Variants in DLGAP5 observed in about 807,000 individuals in gnomAD.
The protein encoded by DLGAP5 is DLG associated protein 5.
DLGAP5 carries 90 observed loss-of-function variants against 99.6 expected under a neutral mutation model. The ratio of observed to expected loss-of-function variants is 0.90; its 90% confidence interval spans 0.76 to 1.08. The LOEUF is 1.08. Among genes scored for constraint, DLGAP5 ranks in the 50% least tolerant of loss-of-function variants. DLGAP5 has a pLI of 0.00. For synonymous variants in DLGAP5, 311 were observed against 321.3 expected (o/e 0.97, Z 0.34); for missense variants, 1,036 against 983.5 (o/e 1.05, Z -0.71).
rs1003229728 is a variant in DLGAP5 at position 55,148,650 on chromosome 14, T to C, written c.2419-177A>G. ...GGTAGGATCACTTGAACCCAGGACT[T>C]CAAGACCAGCCCGAGCAACATAGCA... On this transcript the variant is annotated intron_variant, in intron 18 of 18. Coordinates refer to ENST00000247191, the MANE Select transcript of DLGAP5 (RefSeq NM_014750.5). The C allele has an allele frequency of 3.7e-6, 5 of 1,365,804 alleles. No individual in the cohort carries two copies. In the African/African-American group the frequency reaches 4.3e-5, roughly 12 times the overall value. The allele number at this position is 1,365,804 out of a possible 1,614,324, so 84.6% of individuals were successfully genotyped here.
chr14:55,188,703 A>G (rs1883504438), intron 2 of DLGAP5, among the ~76,000 whole-genome samples: 1 of 150,908 alleles, frequency 6.6e-6, no homozygotes, highest in African/African-American at 2.4e-5. Flanking sequence ...CCTTGAGCCC[A>G]GGAATTTGAG....
chr14:55,181,716 C>A (rs538922213), intron 4 of DLGAP5, among the ~76,000 whole-genome samples: 5 of 152,196 alleles, frequency 3.3e-5, no homozygotes, highest in Middle Eastern at 3.2e-3. Flanking sequence ...CTCAGGGAGG[C>A]CTTCCTTAAC....
Position 55,180,639 on chromosome 14 carries a change from C to G in DLGAP5, c.703+17G>C. On this transcript the variant is annotated intron_variant, in intron 6 of 18. Transcript: ENST00000247191. ...CAAACATTCTAGTTCAGTCACTGAT[C>G]AAGGAATAGTTCTCACCATTAGCAG... 6.2e-7 allele frequency: 1 copy of G among 1,613,724 alleles called. No homozygotes were observed. The highest frequency in any genetic ancestry group is 8.5e-7 in the Non-Finnish European group (1 of 1,179,778).
chr14:55,148,474 C>T lies in DLGAP5; in HGVS notation c.2419-1G>A. On this transcript the variant is annotated splice_acceptor_variant, in intron 18 of 18. Transcript: ENST00000247191. LOFTEE classifies it high-confidence loss of function. ...ATGGATTACTGCAGTTTAGACCTGG[C>T]TGGAGAACAAATCCAGAGAAGTCAG... 1 of 1,613,938 alleles carries T rather than the reference C, an allele frequency of 6.2e-7. No homozygotes were observed.
At position 55,183,595 on chromosome 14, in the gene DLGAP5, A is replaced by T. The variant is rs1229751620; in HGVS notation, c.397T>A (p.Ser133Thr). ...TCAGCTTTCACAGCATTCTGGTTTG[A>T]TAAAAGAAAACAAGGCATATCAGGT... ...YRPDMPCFLL[S>T]NQNAVKAEPK... The change falls in exon 3 of 19, where the codon TCA (serine) becomes ACA (threonine). Residue 133 changes from serine (S) to threonine (T), a missense_variant. Coordinates refer to ENST00000247191, the MANE Select transcript of DLGAP5 (RefSeq NM_014750.5). 1 of 1,586,880 alleles carries T rather than the reference A, an allele frequency of 6.3e-7. No homozygotes were observed.
At chr14:55,165,174 G>A (rs1440760835) in intron 12 of DLGAP5, among the ~76,000 whole-genome samples, 2 of 151,982 alleles carry the variant, frequency 1.3e-5, no homozygotes, top group African/African-American at 2.4e-5. Flanking sequence ...CATGAATGGC[G>A]AATAAGCTCA....
intron 7 of DLGAP5, 118 bp from the exon 8 acceptor site, chr14:55,177,454 A>T: frequency 2.1e-6 from 2 of 930,828 alleles, no homozygotes; most frequent in Non-Finnish European, 3.0e-6. Context: ...ACATAATTTG[A>T]GAGACAAAAA....
chr14:55,182,830 C>T (rs1883320229), intron 3 of DLGAP5, among the ~76,000 whole-genome samples: 1 of 152,086 alleles, frequency 6.6e-6, no homozygotes, highest in Admixed American at 6.5e-5. Flanking sequence ...TCATTTAGTC[C>T]TACAGCTTAA....
chr14:55,150,911 G>T, intron 17 of DLGAP5, 63 bp from the exon 18 acceptor site: 1 of 1,104,632 alleles, frequency 9.1e-7, no homozygotes, highest in Non-Finnish European at 1.3e-6. Flanking sequence ...TGTTAGAAAT[G>T]GACAAAGCCA....
At chr14:55,166,332 A>G (rs534166243) in intron 12 of DLGAP5, among the ~76,000 whole-genome samples, 23 of 152,360 alleles carry the variant, frequency 1.5e-4, no homozygotes, top group African/African-American at 5.0e-4. Context: ...TATCCCAAAA[A>G]AAGGCAAATC....
intron 8 of DLGAP5, among the ~76,000 whole-genome samples, 188 bp from the exon 9 acceptor site, chr14:55,176,206 T>C (rs927776808): frequency 7.2e-5 from 11 of 152,192 alleles, no homozygotes; most frequent in African/African-American, 2.7e-4. Context: ...TACTAATTAA[T>C]TGTAATCAGA....
At chr14:55,161,874 C>CAAA (rs34002442) in intron 13 of DLGAP5, among the ~76,000 whole-genome samples, 14 of 37,956 alleles carry the variant, frequency 3.7e-4, no homozygotes, top group Non-Finnish European at 4.9e-4. Context: ...AACTCTGTCT[C>CAAA]AAAAAAAAAA....
intron 2 of DLGAP5, among the ~76,000 whole-genome samples, chr14:55,184,619 G>T (rs1180180911): frequency 6.6e-6 from 1 of 152,168 alleles, no homozygotes; most frequent in East Asian, 1.9e-4. Flanking sequence ...GGTAGTGTTT[G>T]CCTTGCTCTC....
At chr14:55,167,686 T>C (rs1349660922) in intron 12 of DLGAP5, among the ~76,000 whole-genome samples, 1 of 152,166 alleles carries the variant, frequency 6.6e-6, no homozygotes, top group Non-Finnish European at 1.5e-5. Context: ...TTTGAGATCT[T>C]GTGTGTCTGA....
intron 1 of DLGAP5, among the ~76,000 whole-genome samples, chr14:55,189,549 G>C (rs1291685311): frequency 2.0e-5 from 3 of 151,988 alleles, no homozygotes; most frequent in African/African-American, 7.3e-5. Flanking sequence ...GATGAGGAAT[G>C]CAGGTAGTCT....
At position 55,175,360 on chromosome 14, in the gene DLGAP5, A is replaced by G. The variant is rs1883022168; in HGVS notation, c.1287T>C (p.Gly429=). Residue 429 remains glycine (G), a synonymous_variant, in exon 10 of 19, where the codon GGT becomes GGC. Transcript: ENST00000247191. Reference sequence around the variant, plus strand: ...CACAGACATACCTGAAATATGGCACACCATGGTGGGGCTGAGCAATTCGAC... The same window carrying G: ...CACAGACATACCTGAAATATGGCACGCCATGGTGGGGCTGAGCAATTCGAC... ...NEGRIAQPHH[G]VPYFRNILQS... is the part of the protein sequence containing the mutation. 2.5e-6 allele frequency: 4 copies of G among 1,609,598 alleles called. No homozygotes were observed. Among genetic ancestry groups the G allele is most frequent in the Non-Finnish European group, 3.4e-6 (4 of 1,178,692 alleles).
chr14:55,191,279 C>G (rs1208419019), intron 1 of DLGAP5, 184 bp downstream of exon 1: 1 of 152,380 alleles, frequency 6.6e-6, no homozygotes. Context: ...TTACAGAGGT[C>G]AGGGCAAACA....
chr14:55,155,813 G>A (rs1335975457), intron 14 of DLGAP5, among the ~76,000 whole-genome samples: 4 of 152,122 alleles, frequency 2.6e-5, no homozygotes, highest in East Asian at 3.9e-4. Flanking sequence ...AATTGGCCGG[G>A]CGCGGTGGCT....
chr14:55,151,425 T>C (rs552915341), intron 17 of DLGAP5, among the ~76,000 whole-genome samples: 9 of 152,016 alleles, frequency 5.9e-5, no homozygotes, highest in African/African-American at 1.9e-4. Context: ...CGGTGGTACA[T>C]GTGTAGGAGA....
Sources: gnomAD v4.1 joint callset for allele counts (sites outside exome capture counted in the v4.1 genomes callset) on GRCh38, gnomAD v4.1.1 for gene constraint, MANE v1.5 for transcripts, NCBI Gene and HGNC (gene_info 2026-07-23, HGNC 2026-07-21) for gene names.